The following ZBTB8B variants were observed in gnomAD, a reference collection of about 807,000 sequenced individuals.
The protein encoded by ZBTB8B is zinc finger and BTB domain-containing protein 8B.
A neutral mutation model predicts 30.3 loss-of-function variants in ZBTB8B; 17 were observed. The ratio of observed to expected loss-of-function variants is 0.56; its 90% confidence interval spans 0.38 to 0.84. ZBTB8B has a LOEUF of 0.84. Ranked by LOEUF, ZBTB8B falls within the 40% of genes least tolerant of loss-of-function variation. The pLI, the probability that ZBTB8B is intolerant of heterozygous loss-of-function variation, is 0.00. For missense variants in ZBTB8B, 515 were observed against 644.9 expected (o/e 0.80, Z 2.18); for synonymous variants, 248 against 255.6 (o/e 0.97, Z 0.28).
Position 32,484,056 on chromosome 1 carries a change from T to C in ZBTB8B, c.1171-1045T>C, listed in dbSNP as rs536683543. On this transcript the variant is annotated intron_variant, in intron 3 of 3. Coordinates refer to ENST00000609129, the MANE Select transcript of ZBTB8B (RefSeq NM_001145720.2). This position sits in a 1 kb window ranked among gnomAD's most constrained non-coding sequence, Gnocchi z 4.5. ...TCCACCTCTACAAGAAATAAAAAATTAGCCAGGCATGATGATATGTGGGCG... is the reference window on the plus strand; with the variant it reads ...TCCACCTCTACAAGAAATAAAAAATCAGCCAGGCATGATGATATGTGGGCG... Among the ~76,000 whole-genome samples, 7 of 151,770 alleles carry C rather than the reference T, an allele frequency of 4.6e-5. No individual in the cohort carries two copies. The highest frequency in any genetic ancestry group is 1.7e-4 in the African/African-American group (7 of 41,394).
At chr1:32,469,246 A>ATTTTTTTT (rs541160413) in intron 1 of ZBTB8B, among the ~76,000 whole-genome samples, 4,096 of 117,094 alleles carry the variant, frequency 0.035, 241 homozygotes, top group African/African-American at 0.058. Context: ...CTCAAGTATA[A>ATTTTTTTT]TTTTTTTTTT....
intron 1 of ZBTB8B, among the ~76,000 whole-genome samples, chr1:32,470,234 C>G (rs560908019): frequency 2.2e-4 from 33 of 152,244 alleles, no homozygotes; most frequent in Middle Eastern, 3.4e-3. Context: ...GGCGTGGTGG[C>G]TCACGCCTGT....
rs1005914625 is a variant in ZBTB8B at position 32,494,804 on chromosome 1, T to G, written c.*9386T>G. On this transcript the variant is annotated 3_prime_UTR_variant, in exon 4 of 4. Transcript: ENST00000609129. ...TTTCCAACCTCGCTGATTTTTTTCC[T>G]TCTTTCTTTTTTGAGACAGAGTTCC... 6.6e-6 allele frequency: 1 copy of G among 152,186 alleles called. No homozygotes were observed. Among genetic ancestry groups the G allele is most frequent in the Non-Finnish European group, 1.5e-5 (1 of 68,038 alleles). The allele number at this position is 152,186 out of a possible 1,614,324, so 9.4% of individuals were successfully genotyped here.
rs916051056 is a variant in ZBTB8B, at chr1:32,485,330, C to T, written c.1400C>T (p.Ser467Leu). 4 of 1,552,172 alleles carry T rather than the reference C, an allele frequency of 2.6e-6. No individual in the cohort carries two copies. Among genetic ancestry groups the T allele is most frequent in the East Asian group, 4.9e-5 (2 of 40,930 alleles). Residue 467 changes from serine (S) to leucine (L), a missense_variant, in exon 4 of 4, where the codon TCG (serine) becomes TTG (leucine). Physicochemically the swap from Ser to Leu is moderately radical, Grantham distance 145. Transcript: ENST00000609129. ...AATGACTGGCCAATCTATGTGGAGT[C>T]GGGTGAGGAAAATGACCCTGCTGGA... ...TDNDWPIYVE[S>L]GEENDPAGDD...
chr1:32,478,358 A>C (rs1313940304), intron 2 of ZBTB8B, among the ~76,000 whole-genome samples: 1 of 150,170 alleles, frequency 6.7e-6, no homozygotes, highest in Admixed American at 6.6e-5. Flanking sequence ...CTAAAAATAC[A>C]AAAATTAGCC....
chr1:32,471,834 TCAC>T (rs1166728121), intron 2 of ZBTB8B, among the ~76,000 whole-genome samples: 1 of 150,902 alleles, frequency 6.6e-6, no homozygotes, highest in Non-Finnish European at 1.5e-5. Flanking sequence ...ATTACCATCA[TCAC>T]CAGTACCATC....
At position 32,471,548 on chromosome 1, in the gene ZBTB8B, A is replaced by G; in HGVS notation, c.924A>G (p.Pro308=). The change falls in exon 2 of 4, where the codon CCA becomes CCG. Residue 308 remains proline, a synonymous_variant. Coordinates refer to ENST00000609129, the MANE Select transcript of ZBTB8B (RefSeq NM_001145720.2). ...HHFSRSLEGR[P]EGAGVAMSSM... is the part of the protein sequence containing the mutation. ...TTTCTAGGAGTTTGGAAGGAAGACC[A>G]GAAGGTGCAGGAGTAGCCATGAGTT... The G allele has an allele frequency of 1.3e-6, 2 of 1,551,804 alleles. No homozygotes were observed. Among genetic ancestry groups the G allele is most frequent in the Non-Finnish European group, 1.7e-6 (2 of 1,147,020 alleles).
rs1195734938 is a variant in ZBTB8B at position 32,487,890 on chromosome 1, G to A, written c.*2472G>A. 6.6e-6 allele frequency: 1 copy of A among 151,740 alleles called. No individual in the cohort carries two copies. Among genetic ancestry groups the A allele is most frequent in the African/African-American group, 2.4e-5 (1 of 41,284 alleles). The allele number at this position is 151,740 out of a possible 1,614,324, so 9.4% of individuals were successfully genotyped here. On this transcript the variant is annotated 3_prime_UTR_variant, in exon 4 of 4. Transcript: ENST00000609129. ...AAAAGAAAAATATTCTAGATCAAGA[G>A]TTACTCATTGAAAATTATCAGGGAC...
chr1:32,483,641 A>G (rs1292947804), intron 3 of ZBTB8B, among the ~76,000 whole-genome samples: 1 of 152,102 alleles, frequency 6.6e-6, no homozygotes, highest in South Asian at 2.1e-4. Flanking sequence ...ATGTGTATAC[A>G]TATGTAACAA....
rs145779280 is a variant in ZBTB8B, at chr1:32,466,280, G to A, written c.-42+1175G>A. Among the ~76,000 whole-genome samples, 67 of 152,244 alleles carry A rather than the reference G, an allele frequency of 4.4e-4. No individual in the cohort carries two copies. In the East Asian group the frequency reaches 0.013, roughly 29 times the overall value. ...CTCCCTCAAGGGTATATGAGAGTTT[G>A]TATTGCAGGTAGTTGTGTTGGCATC... is the stretch of plus-strand genomic sequence containing the variant. On this transcript the variant is annotated intron_variant, in intron 1 of 3. Transcript: ENST00000609129.
At position 32,492,183 on chromosome 1, in the gene ZBTB8B, C is replaced by T. The variant is rs989728114; in HGVS notation, c.*6765C>T. The T allele has an allele frequency of 1.3e-5, 2 of 151,708 alleles. No individual in the cohort carries two copies. The highest frequency in any genetic ancestry group is 2.4e-5 in the African/African-American group (1 of 41,214). The allele number at this position is 151,708 out of a possible 1,614,324, so 9.4% of individuals were successfully genotyped here. On this transcript the variant is annotated 3_prime_UTR_variant, in exon 4 of 4. Coordinates refer to ENST00000609129, the MANE Select transcript of ZBTB8B (RefSeq NM_001145720.2). Reference sequence around the variant, plus strand: ...CTCATAATAGGTGAGTATAGTATGTCGTACTGTAGGGACATTATTGAATGG... The same window carrying T: ...CTCATAATAGGTGAGTATAGTATGTTGTACTGTAGGGACATTATTGAATGG...
At chr1:32,467,273 C>G (rs1375685573) in intron 1 of ZBTB8B, among the ~76,000 whole-genome samples, 1 of 145,988 alleles carries the variant, frequency 6.8e-6, no homozygotes, top group East Asian at 2.1e-4. Context: ...GATGGAGTCT[C>G]GCACTATCGC....
In ZBTB8B at chr1:32,485,372, A is replaced by G; in HGVS notation, c.1442A>G (p.Lys481Arg). The change falls in exon 4 of 4, where the codon AAA becomes AGA. Residue 481 changes from lysine to arginine, a missense_variant. By Grantham distance (26) the Lys-to-Arg change is conservative (BLOSUM62 2). This residue lies in a region of ZBTB8B where 429 missense variants were observed against 504.3 expected (regional missense o/e 0.85). Transcript: ENST00000609129. ...CCTGCTGGAGATGATTCTGATGACA[A>G]ACCACAAATTCAGCCTAACTTATCA... The part of the protein sequence containing the change: ...NDPAGDDSDD[K>R]PQIQPNLSDR... 6.4e-7 allele frequency: 1 copy of G among 1,552,168 alleles called. No individual in the cohort carries two copies. The highest frequency in any genetic ancestry group is 1.4e-5 in the African/African-American group (1 of 73,162).
chr1:32,482,636 A>G (rs1643713886), intron 3 of ZBTB8B, among the ~76,000 whole-genome samples: 1 of 138,880 alleles, frequency 7.2e-6, no homozygotes, highest in Non-Finnish European at 1.5e-5. Flanking sequence ...ACACCACTGC[A>G]CTCCAGCCTG....
chr1:32,489,906 C>A lies in ZBTB8B; in HGVS notation c.*4488C>A, dbSNP rs1643768422. 1 of 152,152 alleles carries A rather than the reference C, an allele frequency of 6.6e-6. No individual in the cohort carries two copies. The highest frequency in any genetic ancestry group is 2.1e-4 in the South Asian group (1 of 4,828). 9.4% of individuals were successfully genotyped at this position (152,152 alleles called of 1,614,324 possible). A position where few individuals can be genotyped will look rare whatever the true frequency, so the allele number is the denominator to read the frequency against. ...TGTAAATATTTTGGTGGCCACCAGACTTTGAATATTCCTTAAGGAAGCTGC... is the reference window on the plus strand; with the variant it reads ...TGTAAATATTTTGGTGGCCACCAGAATTTGAATATTCCTTAAGGAAGCTGC... On this transcript the variant is annotated 3_prime_UTR_variant, in exon 4 of 4. Coordinates refer to ENST00000609129, the MANE Select transcript of ZBTB8B (RefSeq NM_001145720.2).
At chr1:32,466,033 C>T (rs1643567736) in intron 1 of ZBTB8B, among the ~76,000 whole-genome samples, 2 of 152,038 alleles carry the variant, frequency 1.3e-5, no homozygotes, top group Admixed American at 6.6e-5. Flanking sequence ...CGAGCAAGAC[C>T]GTGCCTTTTA....
intron 2 of ZBTB8B, among the ~76,000 whole-genome samples, chr1:32,479,686 A>C (rs557175798): frequency 6.6e-6 from 1 of 152,300 alleles, no homozygotes; most frequent in East Asian, 1.9e-4. Flanking sequence ...GGACTTGAGC[A>C]TCCTTGGATT....
intron 2 of ZBTB8B, among the ~76,000 whole-genome samples, chr1:32,474,001 C>A (rs867747409): frequency 2.0e-5 from 3 of 152,034 alleles, no homozygotes; most frequent in Middle Eastern, 3.4e-3. Flanking sequence ...CAGGCACGTG[C>A]CACCATGCCT....
In ZBTB8B at chr1:32,492,317, TTTA is replaced by T; in HGVS notation, c.*6900_*6902del. The T allele has an allele frequency of 1.9e-5, 3 of 159,454 alleles. No homozygotes were observed. Among genetic ancestry groups the T allele is most frequent in the Non-Finnish European group, 2.7e-5 (2 of 74,568 alleles). 9.9% of individuals were successfully genotyped at this position (159,454 alleles called of 1,614,324 possible). Reference sequence around the variant, plus strand: ...GTGCCTTTTTTTTTTTTTTTTTTTTTTTAAAGATGGAGTTTCACTCTTGTTGCC... The same window carrying T: ...GTGCCTTTTTTTTTTTTTTTTTTTTTAAGATGGAGTTTCACTCTTGTTGCC... On this transcript the variant is annotated 3_prime_UTR_variant, in exon 4 of 4. Coordinates refer to ENST00000609129, the MANE Select transcript of ZBTB8B (RefSeq NM_001145720.2).
Sources: allele counts gnomAD v4.1 joint callset (sites outside exome capture counted in the v4.1 genomes callset), GRCh38; gene constraint gnomAD v4.1.1; regional missense constraint gnomAD v4.1.1; non-coding constraint Gnocchi (gnomAD v3.1); transcripts MANE v1.5; gene names NCBI Gene and HGNC (gene_info 2026-07-23, HGNC 2026-07-21).